The following CELF5 variants were observed in gnomAD, a reference collection of about 807,000 sequenced individuals.
The protein encoded by CELF5 is CUGBP Elav-like family member 5, also known as CUG-BP and ETR-3 like factor 5.
Under a neutral mutation model 54.9 loss-of-function variants are expected in CELF5, and 6 were observed. That is an observed-to-expected ratio of 0.11 (90% confidence interval 0.06 to 0.22). CELF5 has a LOEUF of 0.22. Ranked by LOEUF, CELF5 falls within the 10% of genes least tolerant of loss-of-function variation. CELF5 has a pLI of 1.00. For missense variants in CELF5, 401 were observed against 678.6 expected (o/e 0.59, Z 4.54); for synonymous variants, 271 against 290.9 (o/e 0.93, Z 0.70).
rs868355069 is a variant in CELF5 at position 3,232,506 on chromosome 19, T to G, written c.259+7508T>G. ...TTACAGTGAACTATGATCGCACCAC[T>G]GCATCCCAGCCTGCGTGATAGAGTG... On this transcript the variant is annotated intron_variant, in intron 1 of 12. Coordinates refer to ENST00000292672, the MANE Select transcript of CELF5 (RefSeq NM_021938.4). Among the ~76,000 whole-genome samples, 8 of 151,830 alleles carry G rather than the reference T, an allele frequency of 5.3e-5. No individual in the cohort carries two copies. The South Asian group carries it at 1.7e-3, about 32-fold the overall frequency.
At chr19:3,292,651 G>T (rs2080371051) in intron 11 of CELF5, among the ~76,000 whole-genome samples, 1 of 152,100 alleles carries the variant, frequency 6.6e-6, no homozygotes, top group Non-Finnish European at 1.5e-5. Flanking sequence ...GAGATGGAGA[G>T]AAAGAGACAG....
chr19:3,231,999 G>T (rs975445913), intron 1 of CELF5, among the ~76,000 whole-genome samples: 5 of 151,796 alleles, frequency 3.3e-5, no homozygotes, highest in Non-Finnish European at 7.4e-5. Context: ...TGAATGGATG[G>T]ATGGATGATG....
intron 2 of CELF5, among the ~76,000 whole-genome samples, chr19:3,258,963 G>C (rs111739459): frequency 2.0e-5 from 3 of 152,268 alleles, no homozygotes; most frequent in African/African-American, 7.2e-5. Context: ...GGTGACCACA[G>C]AACCAATGAC....
At chr19:3,229,012 T>G (rs1251235239) in intron 1 of CELF5, among the ~76,000 whole-genome samples, 1 of 151,804 alleles carries the variant, frequency 6.6e-6, no homozygotes, top group African/African-American at 2.4e-5. Context: ...CTGCTGCATA[T>G]TCTCTCCTTT....
intron 1 of CELF5, among the ~76,000 whole-genome samples, chr19:3,249,334 T>C (rs1478809791): frequency 6.6e-6 from 1 of 152,120 alleles, no homozygotes; most frequent in East Asian, 1.9e-4. Context: ...TGGGGAAACG[T>C]CTTTCAAAAT....
chr19:3,285,285 C>T (rs975377291), intron 9 of CELF5, among the ~76,000 whole-genome samples: 2 of 152,006 alleles, frequency 1.3e-5, no homozygotes, highest in African/African-American at 4.8e-5. Flanking sequence ...CTAGCTCTGA[C>T]CCAACCCCAG....
At position 3,278,679 on chromosome 19, in the gene CELF5, T is replaced by TTG. The variant is rs3046138; in HGVS notation, c.603+589_603+590dup. On this transcript the variant is annotated intron_variant, in intron 5 of 12. Coordinates refer to ENST00000292672, the MANE Select transcript of CELF5 (RefSeq NM_021938.4). The surrounding 1 kb of genome is among the most constrained non-coding windows in gnomAD (Gnocchi z 4.5). ...TCTGCAGGTGCATTTGTGGGCAGGT[T>TTG]TGTGTGTGTGTGTGTGTGTGTTTGT... 0.35 allele frequency among the ~76,000 whole-genome samples: 52,292 copies of TTG among 148,766 alleles called. 9,898 individuals are homozygous for TTG. Among genetic ancestry groups the TTG allele is most frequent in the Middle Eastern group, 0.47 (137 of 290 alleles).
chr19:3,251,452 C>T (rs2079646270), intron 2 of CELF5, among the ~76,000 whole-genome samples: 2 of 151,784 alleles, frequency 1.3e-5, no homozygotes, highest in South Asian at 4.2e-4. Flanking sequence ...GGAGGAGGCC[C>T]GTGTGGCTGG....
chr19:3,295,327 C>T (rs563261278), intron 12 of CELF5: 81 of 152,092 alleles, frequency 5.3e-4, no homozygotes, highest in African/African-American at 1.9e-3. Context: ...GGTGACTTCC[C>T]CAAACTAAAT....
Position 3,268,134 on chromosome 19 carries a change from G to C in CELF5, c.343-5738G>C, listed in dbSNP as rs886386836. On this transcript the variant is annotated intron_variant, in intron 2 of 12. Transcript: ENST00000292672. The surrounding 1 kb of genome is among the most constrained non-coding windows in gnomAD (Gnocchi z 4.4). Reference sequence around the variant, plus strand: ...CTGCCTCAGCCTCCCGAGTAGCTGGGATTACAGGTGCCCGCCACCACGCCC... The same window carrying C: ...CTGCCTCAGCCTCCCGAGTAGCTGGCATTACAGGTGCCCGCCACCACGCCC... 1.3e-5 allele frequency among the ~76,000 whole-genome samples: 2 copies of C among 152,084 alleles called. No individual in the cohort carries two copies. Among genetic ancestry groups the C allele is most frequent in the Non-Finnish European group, 2.9e-5 (2 of 68,014 alleles).
chr19:3,244,839 G>C (rs567447952), intron 1 of CELF5, among the ~76,000 whole-genome samples: 1 of 150,542 alleles, frequency 6.6e-6, no homozygotes, highest in African/African-American at 2.4e-5. Context: ...GTGTGTGTAT[G>C]CATCTGTGCA....
rs1253440194 is a variant in CELF5 at position 3,268,737 on chromosome 19, T to C, written c.343-5135T>C. Among the ~76,000 whole-genome samples, 1 of 151,682 alleles carries C rather than the reference T, an allele frequency of 6.6e-6. No homozygotes were observed. The highest frequency in any genetic ancestry group is 2.4e-5 in the African/African-American group (1 of 41,252). On this transcript the variant is annotated intron_variant, in intron 2 of 12. Coordinates refer to ENST00000292672, the MANE Select transcript of CELF5 (RefSeq NM_021938.4). This position sits in a 1 kb window ranked among gnomAD's most constrained non-coding sequence, Gnocchi z 4.4. ...CGGAGCTACCCCAAGTGAGGGGCAG[T>C]GTGTGTGTTTAGTGGGGAGGGGTCG...
At chr19:3,290,730 AT>A (rs34944640) in intron 11 of CELF5, among the ~76,000 whole-genome samples, 77,330 of 140,372 alleles carry the variant, frequency 0.55, 22,047 homozygotes, top group Middle Eastern at 0.68. Context: ...CACCCAGCTA[AT>A]TTTTTTTTTT....
chr19:3,256,873 A>T (rs956307232), intron 2 of CELF5, among the ~76,000 whole-genome samples: 1 of 149,988 alleles, frequency 6.7e-6, no homozygotes, highest in South Asian at 2.1e-4. Flanking sequence ...TGGCCTTATT[A>T]TTTTTTTTCT....
At chr19:3,288,640 G>C (rs2080292429) in intron 10 of CELF5, among the ~76,000 whole-genome samples, 1 of 152,058 alleles carries the variant, frequency 6.6e-6, no homozygotes, top group Admixed American at 6.6e-5. Context: ...TTGAGGCCAG[G>C]AGTTCAAGAC....
At chr19:3,248,672 A>C (rs1414479285) in intron 1 of CELF5, among the ~76,000 whole-genome samples, 1 of 152,116 alleles carries the variant, frequency 6.6e-6, no homozygotes, top group African/African-American at 2.4e-5. Flanking sequence ...TACTGCTGTC[A>C]ACATTGTTAT....
chr19:3,239,475 A>G (rs1163937513), intron 1 of CELF5, among the ~76,000 whole-genome samples: 1 of 151,272 alleles, frequency 6.6e-6, no homozygotes, highest in Non-Finnish European at 1.5e-5. Context: ...GGCTCAAGCC[A>G]TCCTCCCACT....
intron 9 of CELF5, 39 bp downstream of exon 9, chr19:3,285,003 C>G: frequency 6.6e-7 from 1 of 1,519,274 alleles, no homozygotes. Context: ...GGCCCTGGCC[C>G]CGCCCCCGCC....
Position 3,228,875 on chromosome 19 carries a change from C to CGTGTGTGTGTGTGT in CELF5, c.259+3904_259+3917dup, listed in dbSNP as rs60632293. On this transcript the variant is annotated intron_variant, in intron 1 of 12. Coordinates refer to ENST00000292672, the MANE Select transcript of CELF5 (RefSeq NM_021938.4). This position sits in a 1 kb window ranked among gnomAD's most constrained non-coding sequence, Gnocchi z 6.0. ...GGGGGTGGCTGGCAGGGTTGGCCGG[C>CGTGTGTGTGTGTGT]GTGTGTGTGTGTGTGTGTGTGTGTG... Among the ~76,000 whole-genome samples the CGTGTGTGTGTGTGT allele has an allele frequency of 8.1e-6, 1 of 124,108 alleles. No homozygotes were observed. The highest frequency in any genetic ancestry group is 3.1e-5 in the African/African-American group (1 of 31,846). 81.4% of individuals were successfully genotyped at this position (124,108 alleles called of 152,430 possible).
Sources: allele counts gnomAD v4.1 joint callset (sites outside exome capture counted in the v4.1 genomes callset), GRCh38; gene constraint gnomAD v4.1.1; non-coding constraint Gnocchi (gnomAD v3.1); transcripts MANE v1.5; gene names NCBI Gene and HGNC (gene_info 2026-07-23, HGNC 2026-07-21).